FARS2: variants seen among roughly 807,000 people sequenced by gnomAD.
FARS2 encodes the protein phenylalanyl-tRNA synthetase 2, mitochondrial.
In FARS2, 40 loss-of-function variants were observed where a neutral mutation model predicts 46.4. The ratio of observed to expected loss-of-function variants is 0.86; its 90% CI spans 0.67 to 1.12. The LOEUF (loss-of-function observed/expected upper bound fraction) is 1.12, where lower values mean the gene tolerates loss of function less well. Among genes scored for constraint, FARS2 ranks in the 50% most tolerant of loss-of-function variants. FARS2 has a pLI of 0.00. For missense variants in FARS2, 513 were observed against 567.9 expected (o/e 0.90, Z 0.98); for synonymous variants, 234 against 214.9 (o/e 1.09, Z -0.78).
At chr6:5,369,881 G>GTTT (rs11390645) in intron 2 of FARS2, among the ~76,000 whole-genome samples, 2 of 144,364 alleles carry the variant, frequency 1.4e-5, no homozygotes, top group East Asian at 4.0e-4. Context: ...TTTTTTTGTT[G>GTTT]TTTTTTTTTT....
At chr6:5,579,170 T>A (rs1375006166) in intron 5 of FARS2, among the ~76,000 whole-genome samples, 1 of 152,240 alleles carries the variant, frequency 6.6e-6, no homozygotes, top group East Asian at 1.9e-4. Flanking sequence ...TGCTGGAAGT[T>A]GCTATATGTA....
At chr6:5,554,261 A>G (rs987259850) in intron 5 of FARS2, among the ~76,000 whole-genome samples, 5 of 152,222 alleles carry the variant, frequency 3.3e-5, no homozygotes, top group Non-Finnish European at 7.3e-5. Flanking sequence ...TTGCTTGTGC[A>G]TGTTAATTTG....
chr6:5,724,489 G>T (rs143512115), intron 6 of FARS2, among the ~76,000 whole-genome samples: 1 of 152,194 alleles, frequency 6.6e-6, no homozygotes, highest in Admixed American at 6.5e-5. Context: ...CCCCAGGGTG[G>T]CCCACAGCCA....
chr6:5,288,820 CT>C (rs974400825), intron 1 of FARS2, among the ~76,000 whole-genome samples: 1 of 152,224 alleles, frequency 6.6e-6, no homozygotes, highest in African/African-American at 2.4e-5. Flanking sequence ...ATTGTTCAGT[CT>C]TTGCCATCAC....
At chr6:5,409,688 A>T (rs1332486371) in intron 3 of FARS2, among the ~76,000 whole-genome samples, 1 of 152,216 alleles carries the variant, frequency 6.6e-6, no homozygotes, top group African/African-American at 2.4e-5. Context: ...TGGATAATAC[A>T]TGTTGGTTCA....
intron 6 of FARS2, among the ~76,000 whole-genome samples, chr6:5,718,248 A>G (rs1305553807): frequency 1.3e-5 from 2 of 152,074 alleles, no homozygotes; most frequent in Non-Finnish European, 2.9e-5. Context: ...TTATTTTTGT[A>G]TTAATTATGT....
chr6:5,709,419 C>A (rs1758964718), intron 6 of FARS2, among the ~76,000 whole-genome samples: 1 of 152,148 alleles, frequency 6.6e-6, no homozygotes, highest in Admixed American at 6.5e-5. Flanking sequence ...GTTCTTACTG[C>A]AAACTACAGG....
At chr6:5,326,650 C>A (rs1770410312) in intron 1 of FARS2, among the ~76,000 whole-genome samples, 1 of 152,204 alleles carries the variant, frequency 6.6e-6, no homozygotes, top group Non-Finnish European at 1.5e-5. Context: ...TCCTTCCACC[C>A]CCTTCAGGAA....
At chr6:5,266,405 T>G (rs1347911664) in intron 1 of FARS2, among the ~76,000 whole-genome samples, 1 of 152,046 alleles carries the variant, frequency 6.6e-6, no homozygotes, top group Non-Finnish European at 1.5e-5. Context: ...GTGGCTCACA[T>G]CTGTAATCCC....
At chr6:5,411,099 C>T (rs538293918) in intron 3 of FARS2, among the ~76,000 whole-genome samples, 1 of 152,032 alleles carries the variant, frequency 6.6e-6, no homozygotes, top group African/African-American at 2.4e-5. Context: ...CATGATGTCC[C>T]CCTGGCCAAA....
chr6:5,299,900 G>A (rs1430148320), intron 1 of FARS2, among the ~76,000 whole-genome samples: 2 of 151,826 alleles, frequency 1.3e-5, no homozygotes, highest in African/African-American at 2.4e-5. Flanking sequence ...TCTCAGTCTC[G>A]ATAGTCACAT....
At chr6:5,325,324 G>A (rs934983643) in intron 1 of FARS2, among the ~76,000 whole-genome samples, 2 of 152,232 alleles carry the variant, frequency 1.3e-5, no homozygotes, top group African/African-American at 4.8e-5. Context: ...AATTGCCAAA[G>A]CAATGCATCA....
intron 5 of FARS2, among the ~76,000 whole-genome samples, chr6:5,584,468 A>G (rs555493703): frequency 2.6e-5 from 4 of 152,272 alleles, no homozygotes; most frequent in Non-Finnish European, 4.4e-5. Context: ...GGAATTTCAT[A>G]TATTTTAAAT....
intron 6 of FARS2, among the ~76,000 whole-genome samples, chr6:5,742,916 G>C (rs1311598072): frequency 6.6e-6 from 1 of 151,970 alleles, no homozygotes; most frequent in African/African-American, 2.4e-5. Context: ...GGGCTCCCAG[G>C]AAATGGGCTC....
intron 4 of FARS2, among the ~76,000 whole-genome samples, chr6:5,470,246 C>T (rs1237011062): frequency 6.6e-6 from 1 of 152,178 alleles, no homozygotes; most frequent in African/African-American, 2.4e-5. Context: ...AAGTAAAAAA[C>T]AATACAGTAT....
chr6:5,385,550 G>T (rs111312512), intron 2 of FARS2, among the ~76,000 whole-genome samples: 3,187 of 151,852 alleles, frequency 0.021, 42 homozygotes, highest in Non-Finnish European at 0.028. Context: ...GCCTCCCAAG[G>T]AGCTGGGACT....
chr6:5,727,751 A>G lies in FARS2; in HGVS notation c.1218-43540A>G, dbSNP rs1760357001. Among the ~76,000 whole-genome samples the G allele has an allele frequency of 1.3e-5, 2 of 152,180 alleles. No individual in the cohort carries two copies. The highest frequency in any genetic ancestry group is 2.1e-4 in the South Asian group (1 of 4,826). The stretch of plus-strand genomic sequence containing the variant: ...ATATTTTCAGGTGCATTTTCTTCCA[A>G]TGCACTCTGACAGCTCAAAACACTT... On this transcript the variant is annotated intron_variant, in intron 6 of 6. Transcript: ENST00000274680. The surrounding 1 kb of genome is among the most constrained non-coding windows in gnomAD (Gnocchi z 4.1).
intron 6 of FARS2, among the ~76,000 whole-genome samples, chr6:5,718,696 C>T (rs1294712953): frequency 4.6e-5 from 7 of 152,122 alleles, no homozygotes; most frequent in Non-Finnish European, 1.0e-4. Context: ...AGCTTCAGTT[C>T]TCCTTGACTG....
chr6:5,528,242 TTGGATTTG>T (rs1769596107), intron 4 of FARS2, among the ~76,000 whole-genome samples: 1 of 152,072 alleles, frequency 6.6e-6, no homozygotes, highest in Non-Finnish European at 1.5e-5. Flanking sequence ...GTTGCCAAGG[TTGGATTTG>T]AACTCCTGGG....
Sources: allele counts gnomAD v4.1 joint callset (sites outside exome capture counted in the v4.1 genomes callset), GRCh38; gene constraint gnomAD v4.1.1; non-coding constraint Gnocchi (gnomAD v3.1); transcripts MANE v1.5; gene names NCBI Gene and HGNC (gene_info 2026-07-23, HGNC 2026-07-21).